Variants in REL observed in about 807,000 individuals in gnomAD.
The protein encoded by REL is proto-oncogene c-Rel.
In REL, 15 loss-of-function variants were observed where a neutral mutation model predicts 45.9. The ratio of observed to expected loss-of-function variants is 0.33; its 90% CI spans 0.22 to 0.50. The LOEUF is 0.50. REL is among the 20% of genes least tolerant of loss of function. The probability of loss-of-function intolerance (pLI) is 0.98; values close to 1 mark genes in which losing one functional copy is unlikely to be tolerated. For missense variants in REL, 601 were observed against 715.2 expected (o/e 0.84, Z 1.82); for synonymous variants, 239 against 242.1 (o/e 0.99, Z 0.12).
intron 9 of REL, among the ~76,000 whole-genome samples, chr2:60,921,167 C>T (rs1014042160): frequency 1.3e-5 from 2 of 151,830 alleles, no homozygotes; most frequent in African/African-American, 4.8e-5. Flanking sequence ...TCTTTTTTCC[C>T]CCACGTACAT....
At position 60,926,381 on chromosome 2, in the gene REL, A is replaced by C; in HGVS notation, c.*3846A>C. 4.3e-6 allele frequency: 1 copy of C among 232,150 alleles called. No homozygotes were observed. Among genetic ancestry groups the C allele is most frequent in the Non-Finnish European group, 8.5e-6 (1 of 117,336 alleles). 14.4% of individuals were successfully genotyped at this position (232,150 alleles called of 1,614,324 possible). A position where few individuals can be genotyped will look rare whatever the true frequency, so the allele number is the denominator to read the frequency against. On this transcript the variant is annotated 3_prime_UTR_variant, in exon 10 of 10. Transcript: ENST00000394479. ...CTTTAGCTCCTACAATTTTCTTAGG[A>C]TATTCTGGGAAAGATGAGCGGAGAC... is the stretch of plus-strand genomic sequence containing the variant.
At chr2:60,890,742 T>G (rs986425270) in intron 1 of REL, among the ~76,000 whole-genome samples, 5 of 152,236 alleles carry the variant, frequency 3.3e-5, no homozygotes, top group Non-Finnish European at 7.3e-5. Context: ...TTTTGACATA[T>G]GTATACAACC....
chr2:60,888,088 C>A (rs975135740), intron 1 of REL, among the ~76,000 whole-genome samples: 4 of 151,874 alleles, frequency 2.6e-5, no homozygotes, highest in African/African-American at 7.3e-5. Context: ...CCACCACATC[C>A]CGCTAATTTT....
Position 60,927,169 on chromosome 2 carries a change from C to A in REL, c.*4634C>A. On this transcript the variant is annotated 3_prime_UTR_variant, in exon 10 of 10. Coordinates refer to ENST00000394479, the MANE Select transcript of REL (RefSeq NM_001291746.2). ...TTGGGACTCCAGCACCCAGCATAGTCCCTAGTATACTAGTTGGTGCTGAAT... is the reference window on the plus strand; with the variant it reads ...TTGGGACTCCAGCACCCAGCATAGTACCTAGTATACTAGTTGGTGCTGAAT... The A allele has an allele frequency of 4.4e-6, 1 of 225,542 alleles. No individual in the cohort carries two copies. The highest frequency in any genetic ancestry group is 8.8e-6 in the Non-Finnish European group (1 of 113,378). The allele number at this position is 225,542 out of a possible 1,614,324, so 14.0% of individuals were successfully genotyped here. A position where few individuals can be genotyped will look rare whatever the true frequency, so the allele number is the denominator to read the frequency against.
At chr2:60,892,485 A>G (rs1165820666) in intron 2 of REL, among the ~76,000 whole-genome samples, 4 of 151,410 alleles carry the variant, frequency 2.6e-5, no homozygotes, top group Admixed American at 2.0e-4. Flanking sequence ...CTGGAGTGCA[A>G]TGTCGTGATC....
chr2:60,903,916 C>T (rs1424751135), intron 4 of REL, among the ~76,000 whole-genome samples: 1 of 152,120 alleles, frequency 6.6e-6, no homozygotes, highest in Non-Finnish European at 1.5e-5. Flanking sequence ...ATCCGCCTGC[C>T]TTGGCCTCCC....
intron 4 of REL, among the ~76,000 whole-genome samples, chr2:60,906,683 CTG>C (rs1188359047): frequency 3.3e-5 from 5 of 151,974 alleles, no homozygotes; most frequent in African/African-American, 4.8e-5. Flanking sequence ...TTTCTTACCT[CTG>C]TGCTTTTATA....
chr2:60,911,163 G>A (rs906615532), intron 4 of REL: 38 of 152,170 alleles, frequency 2.5e-4, no homozygotes, highest in African/African-American at 9.2e-4. Context: ...GAGCATTGTA[G>A]CCAGTGTACA....
chr2:60,907,730 G>C (rs1462482758), intron 4 of REL, among the ~76,000 whole-genome samples: 1 of 149,642 alleles, frequency 6.7e-6, no homozygotes, highest in Non-Finnish European at 1.5e-5. Context: ...TCGCTCTGTT[G>C]CCCAGGCTGG....
chr2:60,918,048 A>T, intron 5 of REL, 143 bp from the exon 6 acceptor site: 2 of 585,992 alleles, frequency 3.4e-6, no homozygotes, highest in Non-Finnish European at 6.1e-6. Context: ...ACAGATAAAT[A>T]GATGATTAAT....
At chr2:60,883,344 A>G (rs547886218) in intron 1 of REL, among the ~76,000 whole-genome samples, 1 of 152,192 alleles carries the variant, frequency 6.6e-6, no homozygotes, top group African/African-American at 2.4e-5. Flanking sequence ...GTTTCACATG[A>G]CATTTGATTT....
intron 4 of REL, among the ~76,000 whole-genome samples, chr2:60,906,925 T>TTTTTTTTC (rs1379444628): frequency 2.1e-5 from 3 of 144,850 alleles, no homozygotes; most frequent in African/African-American, 7.6e-5. Context: ...TTTTTTTTTT[T>TTTTTTTTC]TTTTCTTTTC....
chr2:60,910,332 G>T (rs564478133), intron 4 of REL, among the ~76,000 whole-genome samples: 3 of 151,950 alleles, frequency 2.0e-5, no homozygotes, highest in South Asian at 2.1e-4. Flanking sequence ...GGGCATGGTG[G>T]CGGGCGCCTG....
At chr2:60,916,825 T>C (rs575403480) in intron 4 of REL, 52 bp from the exon 5 acceptor site, 59 of 1,364,652 alleles carry the variant, frequency 4.3e-5, no homozygotes, top group Non-Finnish European at 6.0e-5. Flanking sequence ...ACCTAGCAAG[T>C]CTTTAGGTCT....
chr2:60,919,679 C>G (rs1168232062), intron 7 of REL, among the ~76,000 whole-genome samples: 1 of 152,158 alleles, frequency 6.6e-6, no homozygotes, highest in African/African-American at 2.4e-5. Flanking sequence ...CCCACCTCAG[C>G]CTCCCAAAGT....
intron 4 of REL, among the ~76,000 whole-genome samples, chr2:60,915,504 G>A (rs935873145): frequency 2.5e-4 from 38 of 152,112 alleles, no homozygotes; most frequent in African/African-American, 8.7e-4. Context: ...CTAATACTGG[G>A]ATACTTATAA....
At chr2:60,896,261 A>C (rs1467018394) in intron 3 of REL, among the ~76,000 whole-genome samples, 1 of 152,142 alleles carries the variant, frequency 6.6e-6, no homozygotes, top group Non-Finnish European at 1.5e-5. Flanking sequence ...CACGTGCCTC[A>C]GCCTCCCAAA....
chr2:60,903,523 A>C (rs1348963441), intron 4 of REL, among the ~76,000 whole-genome samples: 1 of 151,160 alleles, frequency 6.6e-6, no homozygotes, highest in Non-Finnish European at 1.5e-5. Context: ...ACAGGTGTGC[A>C]TCACCATGCC....
At chr2:60,905,167 T>G (rs758680137) in intron 4 of REL, among the ~76,000 whole-genome samples, 2 of 152,204 alleles carry the variant, frequency 1.3e-5, no homozygotes, top group Non-Finnish European at 2.9e-5. Context: ...CGATCTCGGC[T>G]CACTGCAAGC....
Sources: gnomAD v4.1 joint callset for allele counts (sites outside exome capture counted in the v4.1 genomes callset) on GRCh38, gnomAD v4.1.1 for gene constraint, MANE v1.5 for transcripts, NCBI Gene and HGNC (gene_info 2026-07-23, HGNC 2026-07-21) for gene names.